The following MPP2 variants were observed in gnomAD, a reference collection of about 807,000 sequenced individuals.
MPP2 encodes MAGUK p55 subfamily member 2.
In MPP2, 42 loss-of-function variants were observed where a neutral mutation model predicts 58.5. The ratio of observed to expected loss-of-function variants is 0.72; its 90% CI spans 0.56 to 0.93. MPP2 has a LOEUF of 0.93. Ranked by LOEUF, MPP2 falls within the 40% of genes least tolerant of loss-of-function variation. MPP2 has a pLI of 0.00. For synonymous variants in MPP2, 300 were observed against 307.8 expected, an observed-to-expected ratio of 0.97 and a Z score of 0.26; for missense variants, 632 against 760.4, an observed-to-expected ratio of 0.83 and a Z score of 1.99.
chr17:43,897,475 CCTT>C (rs2047892928), intron 3 of MPP2, among the ~76,000 whole-genome samples: 1 of 151,946 alleles, frequency 6.6e-6, no homozygotes, highest in Admixed American at 6.6e-5. Context: ...GAGCAAAACT[CCTT>C]CTCAAAACAA....
chr17:43,907,385 A>G, intron 1 of MPP2, 89 bp downstream of exon 1: 1 of 985,526 alleles, frequency 1.0e-6, no homozygotes, highest in South Asian at 4.7e-5. Flanking sequence ...GTTTAAACCC[A>G]GTGAATAGGG....
At chr17:43,896,125 C>T (rs2047835998) in intron 3 of MPP2, among the ~76,000 whole-genome samples, 1 of 152,102 alleles carries the variant, frequency 6.6e-6, no homozygotes. Flanking sequence ...CTACAGAAAA[C>T]CCACCACCTG....
At chr17:43,894,579 T>C (rs2047759031) in intron 3 of MPP2, among the ~76,000 whole-genome samples, 1 of 128,972 alleles carries the variant, frequency 7.8e-6, no homozygotes, top group African/African-American at 2.9e-5. Context: ...ATTGCGCCAC[T>C]GCACTCTAGC....
chr17:43,877,778 A>G lies in MPP2; in HGVS notation c.*29T>C. 4 of 1,596,184 alleles carry G rather than the reference A, an allele frequency of 2.5e-6. No homozygotes were observed. The highest frequency in any genetic ancestry group is 3.4e-6 in the Non-Finnish European group (4 of 1,165,684). ...GGATTCAGGTTCTGGGTTTCAACAC[A>G]GAGTGAGCCAAAGACCAGGTGAACA... On this transcript the variant is annotated 3_prime_UTR_variant, in exon 13 of 13. Transcript: ENST00000269095.
At chr17:43,885,511 T>C (rs2047328582) in intron 3 of MPP2, among the ~76,000 whole-genome samples, 1 of 152,230 alleles carries the variant, frequency 6.6e-6, no homozygotes, top group African/African-American at 2.4e-5. Flanking sequence ...TCTTTGGCAG[T>C]CATTAGTAGA....
rs780337287 is a variant in MPP2 at position 43,883,240 on chromosome 17, G to A, written c.266C>T (p.Ala89Val). 5 of 1,609,392 alleles carry A rather than the reference G, an allele frequency of 3.1e-6. No homozygotes were observed. The highest frequency in any genetic ancestry group is 1.7e-4 in the Middle Eastern group (1 of 6,030). Residue 89 changes from alanine to valine, a missense_variant, in exon 4 of 13, where the codon GCC becomes GTC. Physicochemically the swap from Ala to Val is moderately conservative, Grantham distance 64. Coordinates refer to ENST00000269095, the MANE Select transcript of MPP2 (RefSeq NM_005374.5). ...AQLAEQSSTA[A>V]ELAHILQEPH... Reference sequence around the variant, plus strand: ...CTCCTGGAGGATGTGGGCCAGCTCGGCGGCTGTGCTGCTCTGCTCAGCCAG... The same window carrying A: ...CTCCTGGAGGATGTGGGCCAGCTCGACGGCTGTGCTGCTCTGCTCAGCCAG...
At position 43,898,306 on chromosome 17, in the gene MPP2, G is replaced by A; in HGVS notation, c.106C>T (p.Leu36Phe). 1.2e-6 allele frequency: 2 copies of A among 1,614,190 alleles called. No homozygotes were observed. Among genetic ancestry groups the A allele is most frequent in the Non-Finnish European group, 1.7e-6 (2 of 1,180,016 alleles). Residue 36 changes from leucine (L) to phenylalanine (F), a missense_variant, in exon 3 of 13, where the codon CTT becomes TTT. Transcript: ENST00000269095. ...TGAAELDLIF[L>F]RGIMESPIVR... ...ATGGGACTTTCCATAATGCCTCGAA[G>A]GAAGATCAGGTCCAGCTCTGCAGCC...
chr17:43,881,089 C>T lies in MPP2; in HGVS notation c.988+1G>A, dbSNP rs1294717387. On this transcript the variant is annotated splice_donor_variant, in intron 9 of 12. Transcript: ENST00000269095. LOFTEE classifies it high-confidence loss of function. ...AAGGGAGGGGGCGCTCTGATACCCA[C>T]CTGCATTCTTGGTGGTCAAATACAT... 3.7e-6 allele frequency: 6 copies of T among 1,613,808 alleles called. No homozygotes were observed. The highest frequency in any genetic ancestry group is 1.7e-5 in the Admixed American group (1 of 59,982).
At chr17:43,909,419 C>G, upstream of MPP2, 1 of 519,726 alleles carries the variant, frequency 1.9e-6, no homozygotes. Context: ...ATTATAAAGG[C>G]TACCCTCCAC....
intron 3 of MPP2, among the ~76,000 whole-genome samples, chr17:43,888,664 CCA>C (rs1304498276): frequency 1.3e-5 from 2 of 152,128 alleles, no homozygotes; most frequent in African/African-American, 2.4e-5. Context: ...ACTATCTGGT[CCA>C]CGGATGGAGG....
At chr17:43,895,874 T>C (rs1385290147) in intron 3 of MPP2, among the ~76,000 whole-genome samples, 2 of 152,130 alleles carry the variant, frequency 1.3e-5, no homozygotes, top group African/African-American at 4.8e-5. Flanking sequence ...CTTTCTCCAA[T>C]CTCCTCCAAT....
chr17:43,904,919 T>C (rs1402666017), intron 1 of MPP2, among the ~76,000 whole-genome samples: 3 of 152,226 alleles, frequency 2.0e-5, no homozygotes, highest in African/African-American at 4.8e-5. Context: ...CTCACGCCTA[T>C]AATCCCAGCA....
In MPP2 at chr17:43,882,926, G is replaced by A. The variant is rs936018719; in HGVS notation, c.430C>T (p.Arg144Cys). 6 of 1,614,088 alleles carry A rather than the reference G, an allele frequency of 3.7e-6. No individual in the cohort carries two copies. The highest frequency in any genetic ancestry group is 2.2e-5 in the East Asian group (1 of 44,876). The change falls in exon 5 of 13, where the codon CGC (arginine) becomes TGC (cysteine). Residue 144 changes from arginine to cysteine, a missense_variant. Coordinates refer to ENST00000269095, the MANE Select transcript of MPP2 (RefSeq NM_005374.5). The stretch of plus-strand genomic sequence containing the variant: ...ACCAGATGTTCTCCGGCTGTCTTGC[G>A]GATGCCCACCATGCGCACAGCATCG... ...PPDAVRMVGI[R>C]KTAGEHLGVT...
Position 43,879,854 on chromosome 17 carries a change from A to G in MPP2, c.1281T>C (p.Tyr427=), listed in dbSNP as rs140373005. The change falls in exon 11 of 13, where the codon TAT becomes TAC. Residue 427 remains tyrosine, a synonymous_variant. Transcript: ENST00000269095. The surrounding 1 kb of genome is among the most constrained non-coding windows in gnomAD (Gnocchi z 4.1). ...CCCGGATGGAGTCAATACGTGTGCC[A>G]TACAGGTTGCCCTCGTATTCGCCAT... ...LEHGEYEGNL[Y]GTRIDSIRGV... is the part of the protein sequence containing the mutation. 33 of 1,613,946 alleles carry G rather than the reference A, an allele frequency of 2.0e-5. No homozygotes were observed. The highest frequency in any genetic ancestry group is 2.8e-5 in the Non-Finnish European group (33 of 1,179,990).
chr17:43,882,260 C>G, intron 6 of MPP2, 24 bp downstream of exon 6: 1 of 1,596,872 alleles, frequency 6.3e-7, no homozygotes, highest in Non-Finnish European at 8.5e-7. Context: ...ATCCCTTGGG[C>G]CTTGTGCTGG....
At chr17:43,881,759 T>C (rs1294629328) in intron 6 of MPP2, among the ~76,000 whole-genome samples, 170 bp from the exon 7 acceptor site, 1 of 152,030 alleles carries the variant, frequency 6.6e-6, no homozygotes, top group Non-Finnish European at 1.5e-5. Context: ...CCAACCTCCC[T>C]TTGCATCTAG....
intron 3 of MPP2, among the ~76,000 whole-genome samples, chr17:43,892,701 G>A (rs1306426111): frequency 6.6e-6 from 1 of 152,066 alleles, no homozygotes; most frequent in Non-Finnish European, 1.5e-5. Flanking sequence ...CTCTTCTATT[G>A]TGCTCTACAA....
chr17:43,901,230 A>T, intron 2 of MPP2: 1 of 983,654 alleles, frequency 1.0e-6, no homozygotes, highest in Non-Finnish European at 1.2e-6. Flanking sequence ...GAGGCAGGGT[A>T]CGTGGGGGAG....
At position 43,877,729 on chromosome 17, in the gene MPP2, G is replaced by T; in HGVS notation, c.*78C>A. 7.9e-7 allele frequency: 1 copy of T among 1,258,126 alleles called. No individual in the cohort carries two copies. Among genetic ancestry groups the T allele is most frequent in the Non-Finnish European group, 1.1e-6 (1 of 878,916 alleles). 77.9% of individuals were successfully genotyped at this position (1,258,126 alleles called of 1,614,324 possible). The stretch of plus-strand genomic sequence containing the variant: ...ATATGGGGGCTAAGGATTGTGGCAG[G>T]GGGTCACAGGTCAGGAGGGGGATGG... On this transcript the variant is annotated 3_prime_UTR_variant, in exon 13 of 13. Transcript: ENST00000269095.
Sources: gnomAD v4.1 joint callset for allele counts (sites outside exome capture counted in the v4.1 genomes callset) on GRCh38, gnomAD v4.1.1 for gene constraint, Gnocchi (gnomAD v3.1) non-coding constraint, MANE v1.5 for transcripts, NCBI Gene and HGNC (gene_info 2026-07-23, HGNC 2026-07-21) for gene names.